Variants in FRMD4A observed in about 807,000 individuals in gnomAD.
FRMD4A encodes FERM domain-containing protein 4A.
Under a neutral mutation model 129.1 loss-of-function variants are expected in FRMD4A, and 29 were observed. That is an observed-to-expected ratio of 0.22 (90% CI 0.17 to 0.31). The LOEUF (loss-of-function observed/expected upper bound fraction) is 0.31. FRMD4A is among the 10% of genes least tolerant of loss of function. The probability of loss-of-function intolerance (pLI) is 1.00; values close to 1 mark genes in which losing one functional copy is unlikely to be tolerated. For synonymous variants in FRMD4A, 634 were observed against 571.6 expected, an observed-to-expected ratio of 1.11 and a Z score of -1.56; for missense variants, 1,272 against 1,375.8, an observed-to-expected ratio of 0.92 and a Z score of 1.19.
chr10:14,330,342 G>A (rs1267567876), intron 1 of FRMD4A, among the ~76,000 whole-genome samples, 159 bp from the exon 2 acceptor site: 1 of 151,860 alleles, frequency 6.6e-6, no homozygotes, highest in African/African-American at 2.4e-5. Flanking sequence ...ATAGGAAGCT[G>A]CAGGTTATTT....
chr10:13,793,128 T>C (rs897686224), intron 5 of FRMD4A, among the ~76,000 whole-genome samples: 1 of 152,130 alleles, frequency 6.6e-6, no homozygotes, highest in Non-Finnish European at 1.5e-5. Context: ...CTTTCTAAAA[T>C]GTACCTTCAG....
intron 2 of FRMD4A, among the ~76,000 whole-genome samples, chr10:14,273,821 G>A (rs943859199): frequency 2.0e-5 from 3 of 152,150 alleles, no homozygotes; most frequent in Non-Finnish European, 4.4e-5. Flanking sequence ...GAGCCAGGCT[G>A]TCTCATAGAA....
chr10:14,208,295 A>T (rs1400522848), intron 2 of FRMD4A, among the ~76,000 whole-genome samples: 1 of 152,130 alleles, frequency 6.6e-6, no homozygotes, highest in African/African-American at 2.4e-5. Flanking sequence ...TTCTGGATGT[A>T]ACTGCTGAGG....
chr10:14,105,120 G>C (rs1211594879), intron 2 of FRMD4A, among the ~76,000 whole-genome samples: 1 of 152,106 alleles, frequency 6.6e-6, no homozygotes, highest in Non-Finnish European at 1.5e-5. Context: ...TGCATCTCTG[G>C]AGCCAAGCCT....
intron 2 of FRMD4A, among the ~76,000 whole-genome samples, chr10:14,200,829 T>C (rs1465316482): frequency 6.6e-6 from 1 of 152,142 alleles, no homozygotes; most frequent in Admixed American, 6.5e-5. Flanking sequence ...CAGTGTCTCT[T>C]CTAGGTTCTG....
chr10:14,255,292 C>T (rs547221497), intron 2 of FRMD4A, among the ~76,000 whole-genome samples: 31 of 152,316 alleles, frequency 2.0e-4, no homozygotes, highest in African/African-American at 7.0e-4. Context: ...TCTGTTGCCT[C>T]GTTGCTGCCT....
chr10:14,017,695 C>A (rs1040463398), intron 2 of FRMD4A, among the ~76,000 whole-genome samples: 2 of 152,292 alleles, frequency 1.3e-5, no homozygotes, highest in Non-Finnish European at 2.9e-5. Context: ...TCTTTAGGGC[C>A]ATCAGATTCC....
intron 2 of FRMD4A, among the ~76,000 whole-genome samples, chr10:14,025,489 C>T (rs1201289772): frequency 6.6e-6 from 1 of 152,148 alleles, no homozygotes; most frequent in African/African-American, 2.4e-5. Flanking sequence ...CTGGGATGGA[C>T]AAGGGATCAG....
chr10:14,036,194 A>C (rs1833495240), intron 2 of FRMD4A, among the ~76,000 whole-genome samples: 1 of 152,204 alleles, frequency 6.6e-6, no homozygotes, highest in African/African-American at 2.4e-5. Flanking sequence ...TTCCAATTGC[A>C]CACTTCTGGT....
intron 3 of FRMD4A, among the ~76,000 whole-genome samples, chr10:13,837,278 C>T (rs952357233): frequency 1.1e-4 from 17 of 152,302 alleles, no homozygotes; most frequent in Middle Eastern, 6.8e-3. Flanking sequence ...GCCTTTCTCC[C>T]TCCCTTAATA....
chr10:13,687,514 G>A (rs1405676784), intron 15 of FRMD4A, among the ~76,000 whole-genome samples: 1 of 152,160 alleles, frequency 6.6e-6, no homozygotes, highest in Non-Finnish European at 1.5e-5. Flanking sequence ...ACATGAGATG[G>A]GAAGGAAGGA....
chr10:13,811,553 C>G (rs1335001405), intron 3 of FRMD4A, among the ~76,000 whole-genome samples: 1 of 141,474 alleles, frequency 7.1e-6, no homozygotes, highest in African/African-American at 2.6e-5. Context: ...GCCTGGGTGA[C>G]AGAGTGAGAC....
At chr10:14,309,838 T>A (rs912580890) in intron 2 of FRMD4A, among the ~76,000 whole-genome samples, 6 of 152,148 alleles carry the variant, frequency 3.9e-5, no homozygotes, top group Non-Finnish European at 8.8e-5. Context: ...CTGTGGTGAA[T>A]CCTCGTTTCC....
intron 2 of FRMD4A, among the ~76,000 whole-genome samples, chr10:14,209,718 CAAAA>C (rs34707420): frequency 2.0e-4 from 22 of 108,554 alleles, no homozygotes; most frequent in African/African-American, 5.9e-4. Flanking sequence ...GAGACTGTCT[CAAAA>C]AAAAAAAAAA....
intron 17 of FRMD4A, chr10:13,667,376 C>T (rs902697698): frequency 1.9e-5 from 2 of 102,806 alleles, no homozygotes; most frequent in African/African-American, 3.8e-5. Context: ...TGATGTCCTT[C>T]CCCTCTTTTT....
At chr10:13,848,543 T>A (rs1455965614) in intron 3 of FRMD4A, among the ~76,000 whole-genome samples, 1 of 150,938 alleles carries the variant, frequency 6.6e-6, no homozygotes, top group Non-Finnish European at 1.5e-5. Flanking sequence ...CCCATTAGGC[T>A]GGGGAGATGG....
chr10:14,116,160 G>C (rs1838185929), intron 2 of FRMD4A, among the ~76,000 whole-genome samples: 1 of 152,232 alleles, frequency 6.6e-6, no homozygotes, highest in South Asian at 2.1e-4. Context: ...CATGCAAATG[G>C]AAGGGTTGGT....
intron 2 of FRMD4A, among the ~76,000 whole-genome samples, chr10:14,043,077 T>C (rs1440126800): frequency 6.6e-6 from 1 of 152,136 alleles, no homozygotes; most frequent in Admixed American, 6.5e-5. Flanking sequence ...GTTCAGATCT[T>C]CCAGGTGTAG....
In FRMD4A at chr10:13,677,130, A is replaced by T. The variant is rs187720195; in HGVS notation, c.1118-2086T>A. The stretch of plus-strand genomic sequence containing the variant: ...AACGTCTCTGAGCAGAAAACCCTGC[A>T]TTCCATCAATTACCATACATACAGG... On this transcript the variant is annotated intron_variant, in intron 15 of 24. Transcript: ENST00000357447. Among the ~76,000 whole-genome samples the T allele has an allele frequency of 3.1e-3, 468 of 152,318 alleles. 1 individual carries two copies. The highest frequency in any genetic ancestry group is 5.1e-3 in the Non-Finnish European group (344 of 68,024).
Sources: allele counts gnomAD v4.1 joint callset (sites outside exome capture counted in the v4.1 genomes callset), GRCh38; gene constraint gnomAD v4.1.1; transcripts MANE v1.5; gene names NCBI Gene and HGNC (gene_info 2026-07-23, HGNC 2026-07-21).